The following PLXDC2 variants were observed in gnomAD, a reference collection of about 807,000 sequenced individuals.
PLXDC2 encodes plexin domain-containing protein 2.
In PLXDC2, 40 loss-of-function variants were observed where a neutral mutation model predicts 68.9. That is an observed-to-expected ratio of 0.58 (90% CI 0.45 to 0.76). The LOEUF (loss-of-function observed/expected upper bound fraction) is 0.76. PLXDC2 is among the 30% of genes least tolerant of loss of function. PLXDC2 has a pLI of 0.00. For synonymous variants in PLXDC2, 243 were observed against 234.2 expected (o/e 1.04, Z -0.34); for missense variants, 644 against 661.9 (o/e 0.97, Z 0.30).
chr10:19,937,544 GTATATA>G (rs71388881), intron 1 of PLXDC2, among the ~76,000 whole-genome samples: 4,323 of 95,914 alleles, frequency 0.045, 141 homozygotes, highest in African/African-American at 0.062. Context: ...TATAGTCAAT[GTATATA>G]TATATATATA....
At chr10:20,127,576 A>G (rs923320289) in intron 4 of PLXDC2, among the ~76,000 whole-genome samples, 7 of 152,210 alleles carry the variant, frequency 4.6e-5, no homozygotes, top group Non-Finnish European at 1.0e-4. Flanking sequence ...ATGATGATGT[A>G]GAAAGAAGGA....
At position 19,897,326 on chromosome 10, in the gene PLXDC2, G is replaced by A. The variant is rs538077575; in HGVS notation, c.112+80135G>A. 1.1e-4 allele frequency among the ~76,000 whole-genome samples: 16 copies of A among 150,908 alleles called. No individual in the cohort carries two copies. The East Asian group carries it at 1.2e-3, about 11-fold the overall frequency. On this transcript the variant is annotated intron_variant, in intron 1 of 13. Coordinates refer to ENST00000377252, the MANE Select transcript of PLXDC2 (RefSeq NM_032812.9). ...ACGATCTCGGCTCACCGCAACCTCC[G>A]CCTCCCAGGTTCAAGCAATTCTCCT... is the stretch of plus-strand genomic sequence containing the variant.
chr10:20,278,934 G>T (rs1043486529), intron 13 of PLXDC2, among the ~76,000 whole-genome samples: 2 of 152,136 alleles, frequency 1.3e-5, no homozygotes, highest in African/African-American at 4.8e-5. Flanking sequence ...ATTCATTTCA[G>T]TACATCTATT....
chr10:20,120,237 A>G (rs1833677954), intron 4 of PLXDC2, among the ~76,000 whole-genome samples: 1 of 152,020 alleles, frequency 6.6e-6, no homozygotes, highest in African/African-American at 2.4e-5. Flanking sequence ...TAATAAAAAG[A>G]GTGTCTATAC....
chr10:20,107,065 G>GTATATATATATA (rs1368249673), intron 4 of PLXDC2, among the ~76,000 whole-genome samples: 1 of 147,642 alleles, frequency 6.8e-6, no homozygotes, highest in African/African-American at 2.5e-5. Context: ...TACACTATAT[G>GTATATATATATA]CTATATATAT....
At chr10:19,964,856 G>T (rs1054022329) in intron 1 of PLXDC2, among the ~76,000 whole-genome samples, 2 of 151,952 alleles carry the variant, frequency 1.3e-5, no homozygotes, top group African/African-American at 4.8e-5. Flanking sequence ...TCCAGCTCCA[G>T]ATCTCCCTCT....
In PLXDC2 at chr10:20,100,614, T is replaced by C. The variant is rs529931302; in HGVS notation, c.541+32375T>C. ...TTGCCCTTCTCCTCTCTCCCTGATA[T>C]GTAATGTCAGGTGAAATTGCCTTGG... On this transcript the variant is annotated intron_variant, in intron 4 of 13. Transcript: ENST00000377252. Among the ~76,000 whole-genome samples the C allele has an allele frequency of 3.7e-4, 57 of 152,322 alleles. 1 individual carries two copies. Among genetic ancestry groups the C allele is most frequent in the Non-Finnish European group, 6.5e-4 (44 of 68,024 alleles).
chr10:19,908,839 G>T (rs1005541125), intron 1 of PLXDC2, among the ~76,000 whole-genome samples: 2 of 152,036 alleles, frequency 1.3e-5, no homozygotes, highest in Admixed American at 1.3e-4. Context: ...CTAAAGAGAG[G>T]CCCCAGAAAG....
chr10:20,108,227 G>A (rs769552439), intron 4 of PLXDC2, among the ~76,000 whole-genome samples: 2 of 152,054 alleles, frequency 1.3e-5, no homozygotes, highest in African/African-American at 2.4e-5. Context: ...AATGTTTCCC[G>A]AGTTGGGTTC....
chr10:20,006,161 A>C (rs1835025782), intron 2 of PLXDC2, among the ~76,000 whole-genome samples: 1 of 152,126 alleles, frequency 6.6e-6, no homozygotes, highest in Admixed American at 6.5e-5. Flanking sequence ...CCTGGGCAAC[A>C]GAGCGAGACT....
At chr10:20,238,212 C>G (rs1588536137) in intron 12 of PLXDC2, among the ~76,000 whole-genome samples, 1 of 150,378 alleles carries the variant, frequency 6.6e-6, no homozygotes, top group Non-Finnish European at 1.5e-5. Context: ...CTTCCTTCCT[C>G]CTATCTTCTT....
At chr10:19,973,018 T>C (rs762678327) in intron 1 of PLXDC2, among the ~76,000 whole-genome samples, 5 of 152,094 alleles carry the variant, frequency 3.3e-5, no homozygotes, top group Non-Finnish European at 7.4e-5. Flanking sequence ...GTGGAAGCAA[T>C]ACAATAATTC....
chr10:20,001,668 TC>T (rs1287212687), intron 1 of PLXDC2, 106 bp from the exon 2 acceptor site: 4 of 938,974 alleles, frequency 4.3e-6, no homozygotes, highest in Non-Finnish European at 6.5e-6. Context: ...CAAGTTAGTT[TC>T]CTATTCTCGT....
At chr10:19,983,313 G>A (rs1377131467) in intron 1 of PLXDC2, among the ~76,000 whole-genome samples, 1 of 152,072 alleles carries the variant, frequency 6.6e-6, no homozygotes, top group African/African-American at 2.4e-5. Context: ...AGGACATACT[G>A]TTAATCTTGC....
At chr10:19,870,225 A>T (rs963906264) in intron 1 of PLXDC2, among the ~76,000 whole-genome samples, 1 of 152,190 alleles carries the variant, frequency 6.6e-6, no homozygotes, top group African/African-American at 2.4e-5. Flanking sequence ...GGAGGAGGAG[A>T]AATGCACATC....
intron 1 of PLXDC2, among the ~76,000 whole-genome samples, chr10:19,943,111 G>C (rs1833844208): frequency 6.6e-6 from 1 of 152,162 alleles, no homozygotes; most frequent in Non-Finnish European, 1.5e-5. Context: ...CTTGCCATTA[G>C]AGTGGCTGAA....
At chr10:20,126,186 AATAC>A (rs894688463) in intron 4 of PLXDC2, among the ~76,000 whole-genome samples, 2 of 146,364 alleles carry the variant, frequency 1.4e-5, no homozygotes, top group African/African-American at 2.5e-5. Context: ...TATGTTATAT[AATAC>A]ATATATGTAT....
chr10:19,996,896 T>A (rs1834854067), intron 1 of PLXDC2, among the ~76,000 whole-genome samples: 1 of 152,090 alleles, frequency 6.6e-6, no homozygotes, highest in Non-Finnish European at 1.5e-5. Flanking sequence ...ACTTATTCAC[T>A]ATCACTAGAA....
chr10:19,882,999 C>G (rs1291291193), intron 1 of PLXDC2, among the ~76,000 whole-genome samples: 1 of 149,966 alleles, frequency 6.7e-6, no homozygotes, highest in Non-Finnish European at 1.5e-5. Flanking sequence ...CTTTGTCGCC[C>G]AGGCTGGAGT....
Sources: allele counts gnomAD v4.1 joint callset (sites outside exome capture counted in the v4.1 genomes callset), GRCh38; gene constraint gnomAD v4.1.1; transcripts MANE v1.5; gene names NCBI Gene and HGNC (gene_info 2026-07-23, HGNC 2026-07-21).